TTC29: variants seen among roughly 807,000 people sequenced by gnomAD.
The protein encoded by TTC29 is tetratricopeptide repeat domain 29.
TTC29 carries 49 observed loss-of-function variants against 58.1 expected under a neutral mutation model. The observed-to-expected ratio is 0.84, with a 90% CI of 0.67 to 1.07. The LOEUF (loss-of-function observed/expected upper bound fraction) is 1.07. TTC29 is among the 50% of genes least tolerant of loss of function. The probability of loss-of-function intolerance (pLI) is 0.00; values close to 1 mark genes in which losing one functional copy is unlikely to be tolerated. For synonymous variants in TTC29, 209 were observed against 196.8 expected, an observed-to-expected ratio of 1.06 and a Z score of -0.52; for missense variants, 582 against 555.6, an observed-to-expected ratio of 1.05 and a Z score of -0.48.
intron 11 of TTC29, among the ~76,000 whole-genome samples, chr4:146,781,928 CT>C (rs901773401): frequency 6.6e-6 from 1 of 151,762 alleles, no homozygotes; most frequent in African/African-American, 2.4e-5. Flanking sequence ...AAAACCTTGA[CT>C]TTTAATTTTT....
At chr4:146,862,848 C>T (rs1428664461) in intron 8 of TTC29, among the ~76,000 whole-genome samples, 1 of 152,128 alleles carries the variant, frequency 6.6e-6, no homozygotes, top group Non-Finnish European at 1.5e-5. Context: ...CTGGGCCAGG[C>T]GTGGTGGCTC....
intron 6 of TTC29, among the ~76,000 whole-genome samples, chr4:146,882,674 A>G (rs1731709541): frequency 6.6e-6 from 1 of 152,076 alleles, no homozygotes; most frequent in South Asian, 2.1e-4. Flanking sequence ...TTTGATTTCT[A>G]TATGTTTATG....
intron 10 of TTC29, among the ~76,000 whole-genome samples, chr4:146,807,557 T>C (rs1377205411): frequency 2.0e-5 from 3 of 152,170 alleles, no homozygotes; most frequent in Non-Finnish European, 4.4e-5. Flanking sequence ...ATAAAGGGGA[T>C]ATCACTACTG....
chr4:146,756,428 G>A (rs1746456081), intron 11 of TTC29, among the ~76,000 whole-genome samples: 2 of 152,078 alleles, frequency 1.3e-5, no homozygotes, highest in African/African-American at 2.4e-5. Flanking sequence ...TAGACATCTG[G>A]AATCTAACAT....
intron 8 of TTC29, among the ~76,000 whole-genome samples, chr4:146,850,661 C>T (rs1729458929): frequency 6.6e-6 from 1 of 152,162 alleles, no homozygotes; most frequent in African/African-American, 2.4e-5. Flanking sequence ...TTTTGAAGAT[C>T]CTAATGATTA....
chr4:146,929,242 A>G (rs183585175), intron 4 of TTC29, among the ~76,000 whole-genome samples: 2 of 152,336 alleles, frequency 1.3e-5, no homozygotes, highest in African/African-American at 4.8e-5. Flanking sequence ...TCCCTGCCAT[A>G]TGAAACAGAG....
At chr4:146,735,068 G>A (rs1217285329) in intron 11 of TTC29, among the ~76,000 whole-genome samples, 3 of 152,122 alleles carry the variant, frequency 2.0e-5, no homozygotes, top group African/African-American at 7.2e-5. Context: ...ATTGGTTATT[G>A]TTATCTGCAA....
chr4:146,787,857 T>C (rs1230482622), intron 11 of TTC29, among the ~76,000 whole-genome samples: 1 of 151,806 alleles, frequency 6.6e-6, no homozygotes, highest in East Asian at 1.9e-4. Context: ...GTTTCCCTCC[T>C]TCCCCTCCTC....
At chr4:146,930,690 A>G (rs1273142514) in intron 4 of TTC29, among the ~76,000 whole-genome samples, 1 of 152,188 alleles carries the variant, frequency 6.6e-6, no homozygotes, top group East Asian at 1.9e-4. Context: ...CTGTTTTCTT[A>G]ATACAGAAAG....
At chr4:146,888,486 T>C (rs1732139583) in intron 6 of TTC29, among the ~76,000 whole-genome samples, 1 of 152,160 alleles carries the variant, frequency 6.6e-6, no homozygotes, top group African/African-American at 2.4e-5. Flanking sequence ...AATTGCTGCT[T>C]GTAGACCTAA....
At chr4:146,806,840 A>G (rs776175362) in intron 10 of TTC29, among the ~76,000 whole-genome samples, 6 of 152,150 alleles carry the variant, frequency 3.9e-5, no homozygotes, top group Non-Finnish European at 7.4e-5. Flanking sequence ...GAGACAGAAA[A>G]TTAACAAAGA....
intron 4 of TTC29, among the ~76,000 whole-genome samples, chr4:146,926,810 T>C (rs1353900001): frequency 6.6e-6 from 1 of 151,940 alleles, no homozygotes; most frequent in Admixed American, 6.6e-5. Flanking sequence ...GGAAAGAAAG[T>C]CAACAAGCAA....
intron 10 of TTC29, among the ~76,000 whole-genome samples, chr4:146,806,451 A>C (rs552231242): frequency 6.6e-6 from 1 of 152,238 alleles, no homozygotes; most frequent in Non-Finnish European, 1.5e-5. Flanking sequence ...TTTGATAAAG[A>C]CTGAAGACCC....
At chr4:146,818,828 G>A (rs1162753461) in intron 10 of TTC29, among the ~76,000 whole-genome samples, 5 of 151,674 alleles carry the variant, frequency 3.3e-5, no homozygotes, top group South Asian at 2.1e-4. Flanking sequence ...GTAAACTATC[G>A]CAAGGACAAA....
At chr4:146,708,661 A>G (rs1742246862) in intron 11 of TTC29, among the ~76,000 whole-genome samples, 1 of 151,768 alleles carries the variant, frequency 6.6e-6, no homozygotes, top group African/African-American at 2.4e-5. Context: ...GACAGGCCCC[A>G]GTTTTCAGGT....
intron 10 of TTC29, among the ~76,000 whole-genome samples, chr4:146,814,261 C>T (rs969267038): frequency 3.3e-5 from 5 of 151,972 alleles, no homozygotes; most frequent in African/African-American, 1.2e-4. Flanking sequence ...GAGATAAATG[C>T]TACATGGATA....
chr4:146,781,780 C>A (rs574669297), intron 11 of TTC29, among the ~76,000 whole-genome samples: 1 of 151,848 alleles, frequency 6.6e-6, no homozygotes, highest in Non-Finnish European at 1.5e-5. Context: ...AGTGTTTTCA[C>A]TTTGGTATCT....
intron 9 of TTC29, among the ~76,000 whole-genome samples, chr4:146,833,516 A>C (rs568098878): frequency 5.4e-4 from 82 of 152,176 alleles, no homozygotes; most frequent in Non-Finnish European, 4.1e-4. Context: ...TGCTTTCTTA[A>C]CTTGTGAGAT....
In TTC29 at chr4:146,884,936, A is replaced by G. The variant is rs1468623865; in HGVS notation, c.587-10008T>C. On this transcript the variant is annotated intron_variant, in intron 6 of 12. Transcript: ENST00000325106. ...AAAATTTTTTAATATGATAGTAATT[A>G]AAATAGAAAATAAGAGTTATTTAAA... is the stretch of plus-strand genomic sequence containing the variant. Among the ~76,000 whole-genome samples the G allele has an allele frequency of 5.9e-5, 9 of 152,270 alleles. No homozygotes were observed. The East Asian group carries it at 1.2e-3, about 20-fold the overall frequency.
Sources: gnomAD v4.1 joint callset for allele counts (sites outside exome capture counted in the v4.1 genomes callset) on GRCh38, gnomAD v4.1.1 for gene constraint, MANE v1.5 for transcripts, NCBI Gene and HGNC (gene_info 2026-07-23, HGNC 2026-07-21) for gene names.